MED14: variants seen among roughly 807,000 people sequenced by gnomAD.
MED14 encodes the protein mediator of RNA polymerase II transcription subunit 14.
MED14 carries 8 observed loss-of-function variants against 109.0 expected under a neutral mutation model. The ratio of observed to expected loss-of-function variants is 0.07; its 90% CI spans 0.04 to 0.13. The LOEUF (loss-of-function observed/expected upper bound fraction) is 0.13. Ranked by LOEUF, MED14 falls within the 10% of genes least tolerant of loss-of-function variation. MED14 has a pLI of 1.00. For missense variants in MED14, 711 were observed against 1,142.4 expected (o/e 0.62, Z 5.44); for synonymous variants, 399 against 408.7 (o/e 0.98, Z 0.29).
chrX:40,680,286 G>C (rs1254562270), intron 20 of MED14, among the ~76,000 whole-genome samples, 153 bp from the exon 21 acceptor site: 2 of 111,064 alleles, frequency 1.8e-5, no homozygotes, highest in African/African-American at 6.6e-5. Context: ...AGATCACTGG[G>C]TCCACACTGA....
At chrX:40,702,640 G>A (rs1444384436) in intron 11 of MED14, among the ~76,000 whole-genome samples, 6 of 111,556 alleles carry the variant, frequency 5.4e-5, no homozygotes, top group South Asian at 7.4e-4. Flanking sequence ...GAGCCACCAC[G>A]CCTGGCCTAA....
chrX:40,668,948 G>A (rs975205452), intron 23 of MED14, among the ~76,000 whole-genome samples: 5 of 111,910 alleles, frequency 4.5e-5, no homozygotes, highest in Non-Finnish European at 9.4e-5. Context: ...ACTGTACTAT[G>A]TGAGATAATT....
chrX:40,714,582 A>C lies in MED14; in HGVS notation c.477T>G (p.Asp159Glu), dbSNP rs1365273120. 1 of 1,211,929 alleles carries C rather than the reference A, an allele frequency of 8.3e-7. No individual in the cohort carries two copies. The change falls in exon 4 of 31, where the codon GAT becomes GAG. Residue 159 changes from aspartate (D) to glutamate (E), a missense_variant. By Grantham distance (45) the Asp-to-Glu change is conservative. Around this residue, in one of 8 missense-constraint regions of MED14, gnomAD observed 388 missense variants for 517.3 expected, o/e 0.75. Coordinates refer to ENST00000324817, the MANE Select transcript of MED14 (RefSeq NM_004229.4). ...GTGGGTAAGATCCAGTAGTTAGTACATCAATGGCATATGGGATGGCAAAAC... is the reference window on the plus strand; with the variant it reads ...GTGGGTAAGATCCAGTAGTTAGTACCTCAATGGCATATGGGATGGCAAAAC... ...LPSFAIPYAI[D>E]VLTTGSYPRL...
Position 40,713,034 on chromosome X carries a change from G to A in MED14, c.661C>T (p.Arg221Trp). The A allele has an allele frequency of 6.0e-6, 7 of 1,162,783 alleles. No homozygotes were observed. Among genetic ancestry groups the A allele is most frequent in the East Asian group, 3.0e-5 (1 of 32,983 alleles). Residue 221 changes from arginine to tryptophan, a missense_variant, in exon 6 of 31, where the codon CGG (arginine) becomes TGG (tryptophan). Physicochemically the swap from Arg to Trp is moderately radical, Grantham distance 101. This residue lies in a region of MED14 where 388 missense variants were observed against 517.3 expected (regional missense o/e 0.75). Coordinates refer to ENST00000324817, the MANE Select transcript of MED14 (RefSeq NM_004229.4). ...QLANLTVANG[R>W]VKFRVEGEFE... The stretch of plus-strand genomic sequence containing the variant: ...TCTCCTTCAACACGAAACTTCACCC[G>A]GCCATTTGCTTTTAGAAGAAAAAGA...
At chrX:40,699,288 T>C (rs1217741295) in intron 12 of MED14, among the ~76,000 whole-genome samples, 1 of 112,414 alleles carries the variant, frequency 8.9e-6, no homozygotes, top group Non-Finnish European at 1.9e-5. Context: ...TTTGGGGTGA[T>C]GGAAATGTCC....
In MED14 at chrX:40,697,056, T is replaced by C; in HGVS notation, c.1618A>G (p.Ile540Val). The C allele has an allele frequency of 8.3e-7, 1 of 1,204,406 alleles. No individual in the cohort carries two copies. The highest frequency in any genetic ancestry group is 1.1e-6 in the Non-Finnish European group (1 of 889,512). ...IGNLSKNKLFIKLTRLPQYYI... is the reference protein window; with the variant it reads ...IGNLSKNKLFVKLTRLPQYYI... ...TATTGTGGAAGGCGGGTAAGTTTAA[T>C]GAACAGTTTATTCTTAGAAAGGTTT... The change falls in exon 13 of 31, where the codon ATT becomes GTT. Residue 540 changes from isoleucine to valine, a missense_variant. Ile to Val is a conservative substitution (Grantham distance 29). Transcript: ENST00000324817.
At chrX:40,721,623 C>A (rs976748655) in intron 3 of MED14, among the ~76,000 whole-genome samples, 2 of 112,609 alleles carry the variant, frequency 1.8e-5, no homozygotes, top group Non-Finnish European at 3.8e-5. Flanking sequence ...GATCATAGAG[C>A]CCTAGGGCCT....
intron 15 of MED14, among the ~76,000 whole-genome samples, chrX:40,689,253 T>G (rs1425487215): frequency 8.9e-6 from 1 of 112,048 alleles, no homozygotes; most frequent in Admixed American, 9.5e-5. Context: ...AAGTTCCAGG[T>G]ATTTGAGTGA....
chrX:40,687,345 C>T (rs996133343), intron 16 of MED14, among the ~76,000 whole-genome samples: 4 of 111,778 alleles, frequency 3.6e-5, no homozygotes, highest in African/African-American at 1.3e-4. Flanking sequence ...GAGCTACCAA[C>T]AACTCTAATG....
intron 21 of MED14, among the ~76,000 whole-genome samples, chrX:40,679,040 G>A (rs369801230): frequency 9.0e-6 from 1 of 111,303 alleles, no homozygotes; most frequent in South Asian, 3.8e-4. Context: ...TTCAAATCAA[G>A]CCTTTTAGAT....
chrX:40,664,388 G>A lies in MED14; in HGVS notation c.3367C>T (p.Arg1123Cys). Residue 1123 changes from arginine (R) to cysteine (C), a missense_variant, in exon 25 of 31, where the codon CGC becomes TGC. Arg to Cys is a radical substitution (Grantham distance 180). This residue lies in a region of MED14 where 100 missense variants were observed against 147.5 expected (regional missense o/e 0.68). Coordinates refer to ENST00000324817, the MANE Select transcript of MED14 (RefSeq NM_004229.4). ...TTGGCTGGTGACATTCCAGGCATGC[G>A]TGCTGCTGGTGAGGGGCCAGACACT... ...PQVSGPSPAARMPGMSPANPS... is the reference protein window; with the variant it reads ...PQVSGPSPAACMPGMSPANPS... 1 of 1,205,374 alleles carries A rather than the reference G, an allele frequency of 8.3e-7. No homozygotes were observed. Among genetic ancestry groups the A allele is most frequent in the Non-Finnish European group, 1.1e-6 (1 of 892,668 alleles).
rs1677464062 is a variant in MED14, at chrX:40,692,198, T to C, written c.1965A>G (p.Val655=). 14 of 1,210,278 alleles carry C rather than the reference T, an allele frequency of 1.2e-5. No homozygotes were observed. Among genetic ancestry groups the C allele is most frequent in the Non-Finnish European group, 1.6e-5 (14 of 894,781 alleles). Residue 655 remains valine, a synonymous_variant, in exon 15 of 31, where the codon GTA becomes GTG. Transcript: ENST00000324817. ...AAAAACTTACCTCCAACCGAAGTCC[T>C]ACAAATGGCATATTTGTATCACACA... ...VAMCDTNMPF[V]GLRLELSNLE...
chrX:40,721,317 A>G (rs1460914003), intron 3 of MED14, among the ~76,000 whole-genome samples: 1 of 111,352 alleles, frequency 9.0e-6, no homozygotes, highest in Non-Finnish European at 1.9e-5. Context: ...AGCTGACTGA[A>G]GAACCCTTAG....
chrX:40,702,311 G>C (rs72624279), intron 11 of MED14, among the ~76,000 whole-genome samples: 21,670 of 104,705 alleles, frequency 0.21, 1,851 homozygotes, highest in African/African-American at 0.31. Context: ...TATGTACTAT[G>C]TTAATAATCA....
At chrX:40,677,213 T>C (rs1929937447) in intron 21 of MED14, among the ~76,000 whole-genome samples, 2 of 112,099 alleles carry the variant, frequency 1.8e-5, no homozygotes, top group Non-Finnish European at 3.8e-5. Context: ...TTCCCAATAT[T>C]GAAAGCAAGA....
At chrX:40,727,945 A>T (rs1931943583) in intron 2 of MED14, among the ~76,000 whole-genome samples, 1 of 112,187 alleles carries the variant, frequency 8.9e-6, no homozygotes, top group African/African-American at 3.2e-5. Context: ...TCTCTTAAAA[A>T]TCGGCCAGCA....
At chrX:40,661,966 C>G (rs1602445413) in intron 26 of MED14, among the ~76,000 whole-genome samples, 1 of 111,098 alleles carries the variant, frequency 9.0e-6, no homozygotes, top group Admixed American at 9.5e-5. Context: ...CAGGTTCAAG[C>G]AATTCTCCTG....
intron 1 of MED14, among the ~76,000 whole-genome samples, chrX:40,730,331 G>A (rs578154164): frequency 1.8e-5 from 2 of 112,194 alleles, no homozygotes; most frequent in African/African-American, 6.5e-5. Flanking sequence ...GGAAGGGCCA[G>A]CAGACCGGAG....
chrX:40,648,848 C>T lies in MED14; in HGVS notation c.*2958G>A, dbSNP rs1928754505. 8.9e-6 allele frequency: 1 copy of T among 111,883 alleles called. No individual in the cohort carries two copies. Among genetic ancestry groups the T allele is most frequent in the African/African-American group, 3.3e-5 (1 of 30,636 alleles). 9.2% of individuals were successfully genotyped at this position (111,883 alleles called of 1,213,427 possible). On this transcript the variant is annotated 3_prime_UTR_variant, in exon 31 of 31. Coordinates refer to ENST00000324817, the MANE Select transcript of MED14 (RefSeq NM_004229.4). Reference sequence around the variant, plus strand: ...CCTCTGCTAACTTTGTCTTAATAACCTCAATGCTAAATCCATCCTAAGTAA... The same window carrying T: ...CCTCTGCTAACTTTGTCTTAATAACTTCAATGCTAAATCCATCCTAAGTAA...
Sources: allele counts gnomAD v4.1 joint callset (sites outside exome capture counted in the v4.1 genomes callset), GRCh38; gene constraint gnomAD v4.1.1; regional missense constraint gnomAD v4.1.1; transcripts MANE v1.5; gene names NCBI Gene and HGNC (gene_info 2026-07-23, HGNC 2026-07-21).